RAB43: variants seen among roughly 807,000 people sequenced by gnomAD.
RAB43 encodes the protein ras-related protein Rab-43.
In RAB43, 6 loss-of-function variants were observed where a neutral mutation model predicts 18.8. The ratio of observed to expected loss-of-function variants is 0.32; its 90% confidence interval spans 0.17 to 0.63. RAB43 has a LOEUF of 0.63. Among genes scored for constraint, RAB43 ranks in the 30% least tolerant of loss-of-function variants. RAB43 has a pLI of 0.79. For missense variants in RAB43, 195 were observed against 289.1 expected (o/e 0.67, Z 2.36); for synonymous variants, 103 against 124.1 (o/e 0.83, Z 1.13).
chr3:129,091,566 T>G (rs1933659081), intron 2 of RAB43, among the ~76,000 whole-genome samples: 1 of 152,192 alleles, frequency 6.6e-6, no homozygotes, highest in African/African-American at 2.4e-5. Context: ...GCAGGAAGAC[T>G]GCTTGAGCCC....
chr3:129,113,487 C>G (rs1320132084), intron 1 of RAB43, among the ~76,000 whole-genome samples: 2 of 152,042 alleles, frequency 1.3e-5, no homozygotes, highest in African/African-American at 4.8e-5. Context: ...GAACACCAGT[C>G]ACATTACTCT....
At chr3:129,097,060 C>T (rs1173275429) in intron 1 of RAB43, among the ~76,000 whole-genome samples, 1 of 152,026 alleles carries the variant, frequency 6.6e-6, no homozygotes, top group Admixed American at 6.6e-5. Context: ...TTCCAGTGAG[C>T]CGAGATCACG....
Position 129,090,264 on chromosome 3 carries a change from G to A in RAB43, c.*832C>T, listed in dbSNP as rs1165959377. On this transcript the variant is annotated 3_prime_UTR_variant, in exon 3 of 3. Coordinates refer to ENST00000315150, the MANE Select transcript of RAB43 (RefSeq NM_198490.3). ...CCTCTCATCCCTGAGCCTCAAGGAT[G>A]CAAGCTTCTACTTGGACCTTAAATG... 1 of 147,770 alleles carries A rather than the reference G, an allele frequency of 6.8e-6. No homozygotes were observed. The highest frequency in any genetic ancestry group is 2.5e-5 in the African/African-American group (1 of 40,000). The allele number at this position is 147,770 out of a possible 1,614,324, so 9.2% of individuals were successfully genotyped here.
chr3:129,114,806 T>C (rs1378061288), intron 1 of RAB43, among the ~76,000 whole-genome samples: 1 of 152,186 alleles, frequency 6.6e-6, no homozygotes, highest in Admixed American at 6.5e-5. Flanking sequence ...CCACAATCCC[T>C]GATCAGTTTG....
chr3:129,095,095 C>T lies in RAB43; in HGVS notation c.279G>A (p.Gly93=). The part of the protein sequence containing the change: ...ITQSYYRSAN[G]AILAYDITKR... ...TGGTGATGTCGTAGGCAAGGATGGC[C>T]CCATTGGCACTGCGGTAGTAGCTCT... Residue 93 remains glycine, a synonymous_variant, in exon 2 of 3, where the codon GGG becomes GGA. Coordinates refer to ENST00000315150, the MANE Select transcript of RAB43 (RefSeq NM_198490.3). This position sits in a 1 kb window ranked among gnomAD's most constrained non-coding sequence, Gnocchi z 4.2. The T allele has an allele frequency of 6.2e-7, 1 of 1,614,044 alleles. No homozygotes were observed. The highest frequency in any genetic ancestry group is 8.5e-7 in the Non-Finnish European group (1 of 1,179,956).
intron 1 of RAB43, among the ~76,000 whole-genome samples, chr3:129,110,012 G>A (rs958438874): frequency 2.0e-5 from 3 of 151,604 alleles, no homozygotes; most frequent in Admixed American, 6.6e-5. Context: ...CTACAGACAA[G>A]CAACACCATA....
At chr3:129,093,352 C>T (rs1193354655) in intron 2 of RAB43, among the ~76,000 whole-genome samples, 1 of 152,098 alleles carries the variant, frequency 6.6e-6, no homozygotes, top group Non-Finnish European at 1.5e-5. Context: ...TGGCTCACAC[C>T]TGTAATCCCA....
chr3:129,090,843 G>C lies in RAB43; in HGVS notation c.*253C>G. 2.6e-6 allele frequency: 1 copy of C among 385,586 alleles called. No homozygotes were observed. Among genetic ancestry groups the C allele is most frequent in the Non-Finnish European group, 4.7e-6 (1 of 212,574 alleles). 23.9% of individuals were successfully genotyped at this position (385,586 alleles called of 1,614,324 possible). On this transcript the variant is annotated 3_prime_UTR_variant, in exon 3 of 3. Transcript: ENST00000315150. Reference sequence around the variant, plus strand: ...ACTGTGGCCCACACCGGCGGGTTCAGGCCAGTCTTGGAATGTGAAGATGGT... The same window carrying C: ...ACTGTGGCCCACACCGGCGGGTTCACGCCAGTCTTGGAATGTGAAGATGGT...
chr3:129,121,197 CG>C (rs1490114058), intron 1 of RAB43, 88 bp downstream of exon 1: 46 of 1,183,778 alleles, frequency 3.9e-5, no homozygotes, highest in Non-Finnish European at 1.2e-5. Context: ...CAGATGGACG[CG>C]GGGTGCGCTC....
chr3:129,103,550 T>C (rs1934565136), intron 1 of RAB43, among the ~76,000 whole-genome samples: 1 of 149,742 alleles, frequency 6.7e-6, no homozygotes. Context: ...ACTGGCCTCC[T>C]CATTCATTCC....
At chr3:129,117,161 G>A (rs1266967362) in intron 1 of RAB43, among the ~76,000 whole-genome samples, 1 of 152,186 alleles carries the variant, frequency 6.6e-6, no homozygotes, top group African/African-American at 2.4e-5. Context: ...ACCCTTTGAA[G>A]TTTTTAAAAT....
chr3:129,103,047 C>T (rs753072915), intron 1 of RAB43, among the ~76,000 whole-genome samples: 2 of 152,186 alleles, frequency 1.3e-5, no homozygotes, highest in Non-Finnish European at 2.9e-5. Flanking sequence ...CCACTGCCTG[C>T]AGGCAGAGAC....
At chr3:129,117,471 C>A (rs1277615546) in intron 1 of RAB43, among the ~76,000 whole-genome samples, 2 of 152,216 alleles carry the variant, frequency 1.3e-5, no homozygotes, top group Non-Finnish European at 2.9e-5. Context: ...GTCCAGTTCT[C>A]ATAGCTACAG....
At chr3:129,116,025 G>T (rs139909253) in intron 1 of RAB43, among the ~76,000 whole-genome samples, 257 of 152,222 alleles carry the variant, frequency 1.7e-3, no homozygotes, top group African/African-American at 4.9e-3. Context: ...GCCCCAAAGC[G>T]CAGGAATAGC....
intron 1 of RAB43, among the ~76,000 whole-genome samples, chr3:129,101,079 T>A (rs1934383679): frequency 6.6e-6 from 1 of 152,238 alleles, no homozygotes; most frequent in South Asian, 2.1e-4. Context: ...GTGCTGGGAT[T>A]GCAGGTGTGA....
In RAB43 at chr3:129,121,538, T is replaced by A; in HGVS notation, c.-49A>T. 3.4e-6 allele frequency: 5 copies of A among 1,478,382 alleles called. No individual in the cohort carries two copies. In the South Asian group the frequency reaches 6.3e-5, roughly 19 times the overall value. 91.6% of individuals were successfully genotyped at this position (1,478,382 alleles called of 1,614,324 possible). A position where few individuals can be genotyped will look rare whatever the true frequency, so the allele number is the denominator to read the frequency against. The stretch of plus-strand genomic sequence containing the variant: ...GGCGCTCTGGACGCTGGGACCGGCC[T>A]GAGCTCACGCAAGCCGCGGGCCGAG... On this transcript the variant is annotated 5_prime_UTR_variant, in exon 1 of 3. Transcript: ENST00000315150.
At chr3:129,106,448 G>A (rs542364198) in intron 1 of RAB43, among the ~76,000 whole-genome samples, 1 of 152,316 alleles carries the variant, frequency 6.6e-6, no homozygotes, top group South Asian at 2.1e-4. Flanking sequence ...CTCCCACCAT[G>A]CTGTGGTCCT....
At chr3:129,105,535 C>T (rs943781845) in intron 1 of RAB43, among the ~76,000 whole-genome samples, 1 of 146,942 alleles carries the variant, frequency 6.8e-6, no homozygotes, top group African/African-American at 2.5e-5. Context: ...AATCCCAGCA[C>T]TTTGGGAGGC....
intron 1 of RAB43, among the ~76,000 whole-genome samples, chr3:129,099,670 G>A (rs1934297799): frequency 6.6e-6 from 1 of 152,220 alleles, no homozygotes; most frequent in Admixed American, 6.5e-5. Context: ...ACAGGCGTGA[G>A]CCACTGCGCC....
Sources: allele counts gnomAD v4.1 joint callset (sites outside exome capture counted in the v4.1 genomes callset), GRCh38; gene constraint gnomAD v4.1.1; non-coding constraint Gnocchi (gnomAD v3.1); transcripts MANE v1.5; gene names NCBI Gene and HGNC (gene_info 2026-07-23, HGNC 2026-07-21).